The following MIPOL1 variants were observed in gnomAD, a reference collection of about 807,000 sequenced individuals.
MIPOL1 encodes the protein mirror-image polydactyly gene 1 protein.
A neutral mutation model predicts 60.9 loss-of-function variants in MIPOL1; 57 were observed. The observed-to-expected ratio is 0.94, with a 90% CI of 0.76 to 1.17. The LOEUF (loss-of-function observed/expected upper bound fraction) is 1.17, where lower values mean the gene tolerates loss of function less well. MIPOL1 is among the 50% of genes most tolerant of loss of function. The probability of loss-of-function intolerance (pLI) is 0.00; values close to 1 mark genes in which losing one functional copy is unlikely to be tolerated. For synonymous variants in MIPOL1, 179 were observed against 168.8 expected, an observed-to-expected ratio of 1.06 and a Z score of -0.47; for missense variants, 551 against 511.6, an observed-to-expected ratio of 1.08 and a Z score of -0.74.
intron 7 of MIPOL1, among the ~76,000 whole-genome samples, chr14:37,293,694 C>T (rs973333280): frequency 2.0e-5 from 3 of 152,128 alleles, no homozygotes; most frequent in African/African-American, 7.2e-5. Flanking sequence ...CCTATGCCCA[C>T]GGAGCCTCTC....
chr14:37,547,149 A>G lies in MIPOL1; in HGVS notation c.*178A>G, dbSNP rs1048694139. ...CAAATGTTTAACCACTTTGCTGCTG[A>G]CTTGAGTTATTTATCCAAATATATT... On this transcript the variant is annotated 3_prime_UTR_variant, in exon 13 of 13. Transcript: ENST00000684589. 3.5e-6 allele frequency: 2 copies of G among 567,532 alleles called. No homozygotes were observed. Among genetic ancestry groups the G allele is most frequent in the South Asian group, 5.0e-5 (2 of 39,620 alleles). The allele number at this position is 567,532 out of a possible 1,614,324, so 35.2% of individuals were successfully genotyped here.
chr14:37,425,622 AG>A (rs1459348806), intron 11 of MIPOL1, among the ~76,000 whole-genome samples: 2 of 152,176 alleles, frequency 1.3e-5, no homozygotes, highest in Non-Finnish European at 2.9e-5. Context: ...ACCTACTTAT[AG>A]GGTTGTTTTA....
At chr14:37,510,030 T>C (rs769374957) in intron 12 of MIPOL1, among the ~76,000 whole-genome samples, 17 of 151,820 alleles carry the variant, frequency 1.1e-4, no homozygotes, top group Admixed American at 3.9e-4. Flanking sequence ...ATACACGTAG[T>C]CTATATAGTC....
At chr14:37,364,279 A>C (rs1247560104) in intron 9 of MIPOL1, among the ~76,000 whole-genome samples, 1 of 152,230 alleles carries the variant, frequency 6.6e-6, no homozygotes, top group Admixed American at 6.5e-5. Context: ...ACAGAAACCA[A>C]GAAATTTTTG....
Position 37,328,395 on chromosome 14 carries a change from C to T in MIPOL1, c.828+19876C>T, listed in dbSNP as rs562411505. Among the ~76,000 whole-genome samples, 37 of 152,150 alleles carry T rather than the reference C, an allele frequency of 2.4e-4. 1 individual carries two copies. Among genetic ancestry groups the T allele is most frequent in the Admixed American group, 1.5e-3 (23 of 15,268 alleles). On this transcript the variant is annotated intron_variant, in intron 9 of 12. Coordinates refer to ENST00000684589, the MANE Select transcript of MIPOL1 (RefSeq NM_001388067.1). ...GTGTCACAGATGAGAAGCTAATCAT[C>T]CAAATCAGTCAAACTAGCTGTGGTG... is the stretch of plus-strand genomic sequence containing the variant.
intron 3 of MIPOL1, among the ~76,000 whole-genome samples, chr14:37,253,861 T>A (rs796645730): frequency 1.3e-5 from 2 of 151,738 alleles, no homozygotes; most frequent in South Asian, 4.1e-4. Flanking sequence ...CCAGTTGCAA[T>A]AAAAATCTCC....
At chr14:37,249,661 C>G (rs533189460) in intron 3 of MIPOL1, among the ~76,000 whole-genome samples, 5 of 152,112 alleles carry the variant, frequency 3.3e-5, no homozygotes, top group African/African-American at 1.2e-4. Context: ...TTATGTGACA[C>G]TTAATTTTGG....
chr14:37,381,602 A>G (rs749308694), intron 10 of MIPOL1, among the ~76,000 whole-genome samples: 29 of 151,910 alleles, frequency 1.9e-4, no homozygotes, highest in Non-Finnish European at 4.1e-4. Flanking sequence ...TTTTTTTTCA[A>G]GACAGGGTCT....
At chr14:37,527,059 T>C (rs1418719490) in intron 12 of MIPOL1, among the ~76,000 whole-genome samples, 1 of 152,130 alleles carries the variant, frequency 6.6e-6, no homozygotes, top group Middle Eastern at 3.2e-3. Context: ...TTTTTCTTTT[T>C]ATGTGAACTG....
chr14:37,457,373 T>C lies in MIPOL1; in HGVS notation c.1031+34424T>C, dbSNP rs56169415. On this transcript the variant is annotated intron_variant, in intron 11 of 12. Coordinates refer to ENST00000684589, the MANE Select transcript of MIPOL1 (RefSeq NM_001388067.1). ...TGCTCTGAATAAATGAGAATAGACA[T>C]GGCTTCAACCAGACTCAAAAGTTTC... is the stretch of plus-strand genomic sequence containing the variant. Among the ~76,000 whole-genome samples the C allele has an allele frequency of 6.2e-3, 946 of 152,318 alleles. 4 individuals are homozygous for C. Among genetic ancestry groups the C allele is most frequent in the Non-Finnish European group, 0.01 (695 of 68,020 alleles).
chr14:37,278,143 T>C (rs2083817687), intron 6 of MIPOL1: 1 of 151,574 alleles, frequency 6.6e-6, no homozygotes, highest in Admixed American at 6.6e-5. Context: ...ATGAAAGAAG[T>C]TCTGGAGTAA....
chr14:37,493,166 A>G (rs2095069484), intron 11 of MIPOL1, among the ~76,000 whole-genome samples: 1 of 152,180 alleles, frequency 6.6e-6, no homozygotes, highest in Non-Finnish European at 1.5e-5. Context: ...GAGACAAGAG[A>G]GGAAGTCAGG....
At chr14:37,498,816 A>G (rs1010293492) in intron 11 of MIPOL1, among the ~76,000 whole-genome samples, 1 of 152,124 alleles carries the variant, frequency 6.6e-6, no homozygotes, top group East Asian at 1.9e-4. Context: ...CAAAATAAGC[A>G]TACTGTAAAG....
intron 9 of MIPOL1, among the ~76,000 whole-genome samples, chr14:37,319,564 G>A (rs981377926): frequency 2.6e-5 from 4 of 152,056 alleles, no homozygotes; most frequent in Non-Finnish European, 5.9e-5. Flanking sequence ...AATGATTATG[G>A]GAACCTATTA....
At chr14:37,367,148 C>G (rs2092498977) in intron 9 of MIPOL1, among the ~76,000 whole-genome samples, 1 of 151,824 alleles carries the variant, frequency 6.6e-6, no homozygotes, top group South Asian at 2.1e-4. Context: ...ATATACTATG[C>G]CACTTCCTGA....
intron 3 of MIPOL1, among the ~76,000 whole-genome samples, chr14:37,250,772 T>A (rs1363423096): frequency 1.3e-5 from 2 of 152,118 alleles, no homozygotes; most frequent in African/African-American, 4.8e-5. Flanking sequence ...TTTTACTAAT[T>A]TTAAAAGAAA....
intron 11 of MIPOL1, among the ~76,000 whole-genome samples, chr14:37,471,212 T>A (rs531365698): frequency 6.6e-6 from 1 of 152,260 alleles, no homozygotes; most frequent in African/African-American, 2.4e-5. Flanking sequence ...CATAGACAAT[T>A]TGATTCTAAA....
At chr14:37,450,625 T>C (rs2094403496) in intron 11 of MIPOL1, among the ~76,000 whole-genome samples, 1 of 152,154 alleles carries the variant, frequency 6.6e-6, no homozygotes, top group Admixed American at 6.5e-5. Flanking sequence ...TGCTTGCAAC[T>C]TGAAGATCTT....
intron 9 of MIPOL1, among the ~76,000 whole-genome samples, chr14:37,352,072 G>A (rs1490809036): frequency 6.3e-5 from 3 of 47,984 alleles, no homozygotes; most frequent in Non-Finnish European, 8.0e-5. Flanking sequence ...ATCTTGAATT[G>A]ATTTTTGTAT....
Sources: allele counts gnomAD v4.1 joint callset (sites outside exome capture counted in the v4.1 genomes callset), GRCh38; gene constraint gnomAD v4.1.1; transcripts MANE v1.5; gene names NCBI Gene and HGNC (gene_info 2026-07-23, HGNC 2026-07-21).